The following TTN variants were observed in gnomAD, a reference collection of about 807,000 sequenced individuals.
The protein encoded by TTN is titin.
A neutral mutation model predicts 3,223.0 loss-of-function variants in TTN; 1,525 were observed. That is an observed-to-expected ratio of 0.47 (90% CI 0.45 to 0.49). The LOEUF is 0.49. Among genes scored for constraint, TTN ranks in the 20% least tolerant of loss-of-function variants. The probability of loss-of-function intolerance (pLI) is 0.00; values close to 1 mark genes in which losing one functional copy is unlikely to be tolerated. For missense variants in TTN, 40,786 were observed against 43,424.0 expected, an observed-to-expected ratio of 0.94 and a Z score of 5.40; for synonymous variants, 14,094 against 15,161.0, an observed-to-expected ratio of 0.93 and a Z score of 5.17.
At chr2:178,690,566 G>A (rs72953391) in intron 121 of TTN, among the ~76,000 whole-genome samples, 1 of 152,020 alleles carries the variant, frequency 6.6e-6, no homozygotes, top group South Asian at 2.1e-4. Flanking sequence ...AATGTTTACA[G>A]TGTATTTGAT....
In TTN at chr2:178,771,339, T is replaced by C. The variant is rs1184494680; in HGVS notation, c.7988A>G (p.Asn2663Ser). The C allele has an allele frequency of 6.2e-7, 1 of 1,614,070 alleles. No individual in the cohort carries two copies. The highest frequency in any genetic ancestry group is 2.2e-5 in the East Asian group (1 of 44,848). The change falls in exon 34 of 363, where the codon AAC (asparagine) becomes AGC (serine). Residue 2663 changes from asparagine (N) to serine (S), a missense_variant. Transcript: ENST00000589042. The part of the protein sequence containing the change: ...LRDGKHLPLT[N>S]NIRSESDGHK... ...GCCATCAGACTCACTTCTGATGTTG[T>C]TAGTCAGTGGTAGGTGTTTGCCATC...
In TTN at chr2:178,567,697, T is replaced by C. The variant is rs1359450522; in HGVS notation, c.78435A>G (p.Glu26145=). The C allele has an allele frequency of 6.2e-7, 1 of 1,611,600 alleles. No homozygotes were observed. Among genetic ancestry groups the C allele is most frequent in the Non-Finnish European group, 8.5e-7 (1 of 1,178,232 alleles). ...WMKASFTNVI[E]TQFTVSGLTE... ...TAAGACCTGACACAGTAAATTGAGT[T>C]TCAATGACATTTGTAAAGCTAGCTT... is the stretch of plus-strand genomic sequence containing the variant. Residue 26145 remains glutamate, a synonymous_variant, in exon 326 of 363, where the codon GAA becomes GAG. Transcript: ENST00000589042.
At chr2:178,802,617 T>C (rs2094123509) in intron 2 of TTN, among the ~76,000 whole-genome samples, 1 of 152,182 alleles carries the variant, frequency 6.6e-6, no homozygotes, top group Non-Finnish European at 1.5e-5. Context: ...AGAATTTCCA[T>C]CTCCTGCCTG....
intron 99 of TTN, among the ~76,000 whole-genome samples, 162 bp from the exon 100 acceptor site, chr2:178,707,975 T>C (rs1248884976): frequency 6.6e-6 from 1 of 152,104 alleles, no homozygotes; most frequent in Non-Finnish European, 1.5e-5. Context: ...AAGACAATAG[T>C]TTAAATTTGT....
Position 178,615,331 on chromosome 2 carries a change from C to A in TTN, c.48614G>T (p.Cys16205Phe). 1 of 1,612,416 alleles carries A rather than the reference C, an allele frequency of 6.2e-7. No individual in the cohort carries two copies. The highest frequency in any genetic ancestry group is 2.2e-5 in the East Asian group (1 of 44,694). The change falls in exon 259 of 363, where the codon TGT (cysteine) becomes TTT (phenylalanine). Residue 16205 changes from cysteine to phenylalanine, a missense_variant. By Grantham distance (205) the Cys-to-Phe change is radical. Coordinates refer to ENST00000589042, the MANE Select transcript of TTN (RefSeq NM_001267550.2). ...CPRGSDKWVA[C>F]GEPVAETKME... is the part of the protein sequence containing the mutation. ...CTTTGTTTCTGCAACAGGTTCTCCA[C>A]AGGCAACCCATTTATCAGAACCACG... is the stretch of plus-strand genomic sequence containing the variant.
rs974392250 is a variant in TTN, at chr2:178,608,308, A to G, written c.52575T>C (p.Asn17525=). 6.2e-7 allele frequency: 1 copy of G among 1,612,426 alleles called. No homozygotes were observed. Among genetic ancestry groups the G allele is most frequent in the East Asian group, 2.2e-5 (1 of 44,546 alleles). The change falls in exon 275 of 363, where the codon AAT becomes AAC. Residue 17525 remains asparagine, a synonymous_variant. Coordinates refer to ENST00000589042, the MANE Select transcript of TTN (RefSeq NM_001267550.2). The part of the protein sequence containing the change: ...HWSRVNKSLL[N]ALKANVDGLL... Reference sequence around the variant, plus strand: ...AGCCATCTACATTGGCTTTCAAGGCATTCAGAAGGCTTTTGTTGACACGAG... The same window carrying G: ...AGCCATCTACATTGGCTTTCAAGGCGTTCAGAAGGCTTTTGTTGACACGAG...
chr2:178,689,027 T>TTTTAATA, intron 125 of TTN, 26 bp downstream of exon 125: 1 of 1,131,070 alleles, frequency 8.8e-7, no homozygotes, highest in Non-Finnish European at 1.2e-6. Flanking sequence ...TTTTTTTTTT[T>TTTTAATA]GTCAGAGGAT....
Position 178,561,986 on chromosome 2 carries a change from G to C in TTN, c.84146C>G (p.Thr28049Ser). The change falls in exon 326 of 363, where the codon ACT becomes AGT. Residue 28049 changes from threonine (T) to serine (S), a missense_variant. By Grantham distance (58) the Thr-to-Ser change is moderately conservative (BLOSUM62 1). Transcript: ENST00000589042. ...NSAGSITVPITIIVLDRPGPP... is the reference protein window; with the variant it reads ...NSAGSITVPISIIVLDRPGPP... ...TCCTGGTCTGTCAAGGACAATTATA[G>C]TAATAGGAACTGTTATGGATCCAGC... 2 of 1,613,392 alleles carry C rather than the reference G, an allele frequency of 1.2e-6. No individual in the cohort carries two copies. The highest frequency in any genetic ancestry group is 1.7e-6 in the Non-Finnish European group (2 of 1,179,616).
chr2:178,614,773 T>G lies in TTN; in HGVS notation c.48761-20A>C, dbSNP rs779919892. 4 of 1,603,040 alleles carry G rather than the reference T, an allele frequency of 2.5e-6. No homozygotes were observed. In the Admixed American group the frequency reaches 6.8e-5, roughly 27 times the overall value. Reference sequence around the variant, plus strand: ...GGGCCTCTGAATTGGAAAAGATTATTTATGATGTTATCAAGTTCAAGCAGA... The same window carrying G: ...GGGCCTCTGAATTGGAAAAGATTATGTATGATGTTATCAAGTTCAAGCAGA... On this transcript the variant is annotated intron_variant, in intron 260 of 362. Transcript: ENST00000589042.
Position 178,543,281 on chromosome 2 carries a change from C to T in TTN, c.96692G>A (p.Gly32231Asp). 6.2e-7 allele frequency: 1 copy of T among 1,613,850 alleles called. No individual in the cohort carries two copies. Among genetic ancestry groups the T allele is most frequent in the East Asian group, 2.2e-5 (1 of 44,862 alleles). ...GAGAACATATCCAGTGAGTCGGCTA[C>T]CACCATCGTAGAGTGGTTTTTCCCA... The part of the protein sequence containing the change: ...LAWEKPLYDG[G>D]SRLTGYVLEA... Residue 32231 changes from glycine to aspartate, a missense_variant, in exon 347 of 363, where the codon GGT becomes GAT. Physicochemically the swap from Gly to Asp is moderately conservative, Grantham distance 94 (BLOSUM62 -1). Transcript: ENST00000589042.
Position 178,731,102 on chromosome 2 carries a change from T to C in TTN, c.17563A>G (p.Lys5855Glu). ...KFSGTKEITA[K>E]WFKDGQELTL... The stretch of plus-strand genomic sequence containing the variant: ...AGTTCTTGGCCATCTTTAAACCATT[T>C]GGCTGTAATCTCCTTAGTCCCTGAA... The change falls in exon 60 of 363, where the codon AAA (lysine) becomes GAA (glutamate). Residue 5855 changes from lysine (K) to glutamate (E), a missense_variant. Lys to Glu is a moderately conservative substitution (Grantham distance 56). Transcript: ENST00000589042. The C allele has an allele frequency of 1.9e-6, 3 of 1,613,734 alleles. No homozygotes were observed. Among genetic ancestry groups the C allele is most frequent in the Non-Finnish European group, 2.5e-6 (3 of 1,179,718 alleles).
rs760860407 is a variant in TTN, at chr2:178,782,376, T to A, written c.3216A>T (p.Glu1072Asp). 1 of 1,613,970 alleles carries A rather than the reference T, an allele frequency of 6.2e-7. No individual in the cohort carries two copies. Among genetic ancestry groups the A allele is most frequent in the Non-Finnish European group, 8.5e-7 (1 of 1,179,994 alleles). Residue 1072 changes from glutamate (E) to aspartate (D), a missense_variant, in exon 20 of 363, where the codon GAA (glutamate) becomes GAT (aspartate). By Grantham distance (45) the Glu-to-Asp change is conservative. Transcript: ENST00000589042. ...VVMTDTSLTE[E>D]QAGPGEPAAP... Reference sequence around the variant, plus strand: ...CGGCAGGTTCTCCAGGCCCTGCTTGTTCCTCTGTGAGGCTAGTATCAGTCA... The same window carrying A: ...CGGCAGGTTCTCCAGGCCCTGCTTGATCCTCTGTGAGGCTAGTATCAGTCA...
In TTN at chr2:178,729,523, T is replaced by C. The variant is rs2154307345; in HGVS notation, c.18633A>G (p.Val6211=). The C allele has an allele frequency of 5.6e-6, 9 of 1,613,566 alleles. No individual in the cohort carries two copies. Among genetic ancestry groups the C allele is most frequent in the Non-Finnish European group, 7.6e-6 (9 of 1,179,612 alleles). The change falls in exon 64 of 363, where the codon GTA becomes GTG. Residue 6211 remains valine, a synonymous_variant. Transcript: ENST00000589042. ...FIRELKPVEV[V]KYSDVELECE... ...ACTCCAGCTCCACGTCACTATATTT[T>C]ACTACCTCCACAGGCTTCAGCTCTC...
intron 86 of TTN, 39 bp from the exon 87 acceptor site, chr2:178,717,849 G>A: frequency 6.3e-7 from 1 of 1,580,526 alleles, no homozygotes; most frequent in Non-Finnish European, 8.6e-7. Context: ...TTACAGGTGA[G>A]AAGGCATCCA....
Position 178,677,816 on chromosome 2 carries a change from C to G in TTN, c.34096G>C (p.Glu11366Gln). 6.2e-7 allele frequency: 1 copy of G among 1,612,738 alleles called. No individual in the cohort carries two copies. Among genetic ancestry groups the G allele is most frequent in the Non-Finnish European group, 8.5e-7 (1 of 1,179,160 alleles). Residue 11366 changes from glutamate (E) to glutamine (Q), a missense_variant, in exon 146 of 363, where the codon GAG becomes CAG. Glu to Gln is a conservative substitution (Grantham distance 29). Transcript: ENST00000589042. ...EIVPEEEVLP[E>Q]EEEVLPEEEE... ...TCCTCAGGTAGAACTTCCTCTTCCT[C>G]AGGTAGAACTTCCTCTTCAGGAACA... is the stretch of plus-strand genomic sequence containing the variant.
intron 47 of TTN, chr2:178,744,273 C>G: frequency 1.5e-6 from 1 of 680,284 alleles, no homozygotes; most frequent in Non-Finnish European, 1.8e-6. Flanking sequence ...AATATTATTT[C>G]TCTCGTCCTT....
chr2:178,697,235 T>C (rs535129820), intron 112 of TTN, 67 bp from the exon 113 acceptor site: 1 of 1,280,030 alleles, frequency 7.8e-7, no homozygotes, highest in Admixed American at 2.8e-5. Context: ...TGTTTACTAA[T>C]CCTCCACATC....
At position 178,652,548 on chromosome 2, in the gene TTN, A is replaced by G; in HGVS notation, c.39044-7T>C. On this transcript the variant is annotated splice_region_variant and splice_polypyrimidine_tract_variant and intron_variant, in intron 201 of 362. Coordinates refer to ENST00000589042, the MANE Select transcript of TTN (RefSeq NM_001267550.2). ...TCTTTCGGAGCCTCTGGCACTTAAA[A>G]GATATTAGTGAAATTACATTTAGAA... 1 of 1,613,106 alleles carries G rather than the reference A, an allele frequency of 6.2e-7. No individual in the cohort carries two copies. Among genetic ancestry groups the G allele is most frequent in the Non-Finnish European group, 8.5e-7 (1 of 1,179,538 alleles).
chr2:178,531,296 C>T lies in TTN; in HGVS notation c.105319G>A (p.Ala35107Thr). 1.9e-6 allele frequency: 3 copies of T among 1,614,004 alleles called. No individual in the cohort carries two copies. The highest frequency in any genetic ancestry group is 2.5e-6 in the Non-Finnish European group (3 of 1,179,872). Residue 35107 changes from alanine to threonine, a missense_variant, in exon 358 of 363, where the codon GCT becomes ACT. By Grantham distance (58) the Ala-to-Thr change is moderately conservative (BLOSUM62 0). Transcript: ENST00000589042. ...EHSASAEMKS[A>T]ALEEKSLEEK... ...TCCAGTGACTTTTCTTCTAATGCAG[C>T]ACTTTTCATTTCTGCAGATGCAGAG...
Sources: gnomAD v4.1 joint callset for allele counts (sites outside exome capture counted in the v4.1 genomes callset) on GRCh38, gnomAD v4.1.1 for gene constraint, MANE v1.5 for transcripts, NCBI Gene and HGNC (gene_info 2026-07-23, HGNC 2026-07-21) for gene names.